NRCAM: variants seen among roughly 807,000 people sequenced by gnomAD.
NRCAM encodes NgCAM-related cell adhesion molecule.
A neutral mutation model predicts 156.5 loss-of-function variants in NRCAM; 83 were observed. That is an observed-to-expected ratio of 0.53 (90% CI 0.44 to 0.64). The LOEUF (loss-of-function observed/expected upper bound fraction) is 0.64, where lower values mean the gene tolerates loss of function less well. Ranked by LOEUF, NRCAM falls within the 30% of genes least tolerant of loss-of-function variation. NRCAM has a pLI of 0.00. For synonymous variants in NRCAM, 538 were observed against 563.9 expected (o/e 0.95, Z 0.65); for missense variants, 1,417 against 1,597.3 (o/e 0.89, Z 1.92).
In NRCAM at chr7:108,166,978, C is replaced by T; in HGVS notation, c.3409G>A (p.Gly1137Ser). The change falls in exon 30 of 33, where the codon GGT becomes AGT. Residue 1137 changes from glycine to serine, a missense_variant. Physicochemically the swap from Gly to Ser is moderately conservative, Grantham distance 56. Around this residue, in one of 2 missense-constraint regions of NRCAM, gnomAD observed 179 missense variants for 260.9 expected, o/e 0.69. Transcript: ENST00000379028. ...ACAAAACCAGAGTCCCCCACAGCAC[C>T]AACTCGAACTTTGTATGCTGTTCCT... ...MPGTAYKVRV[G>S]AVGDSGFVSS... The T allele has an allele frequency of 1.2e-6, 2 of 1,613,926 alleles. No homozygotes were observed. The highest frequency in any genetic ancestry group is 1.6e-4 in the Middle Eastern group (1 of 6,062).
chr7:108,347,043 T>TTC (rs1554538580), intron 2 of NRCAM, among the ~76,000 whole-genome samples: 3 of 137,830 alleles, frequency 2.2e-5, no homozygotes, highest in Non-Finnish European at 4.7e-5. Context: ...TTTTTTTTTT[T>TTC]TTTTTTTTTT....
chr7:108,344,915 T>C (rs1317232796), intron 2 of NRCAM, among the ~76,000 whole-genome samples: 1 of 152,176 alleles, frequency 6.6e-6, no homozygotes, highest in Non-Finnish European at 1.5e-5. Context: ...TTGCTGCCTT[T>C]CATTATATGA....
At chr7:108,196,451 AC>A (rs1158120121) in intron 14 of NRCAM, among the ~76,000 whole-genome samples, 1 of 152,218 alleles carries the variant, frequency 6.6e-6, no homozygotes, top group African/African-American at 2.4e-5. Flanking sequence ...AGGGGTTAAT[AC>A]CAAAATATAT....
chr7:108,415,187 T>C (rs10245718), intron 1 of NRCAM, among the ~76,000 whole-genome samples: 45,947 of 152,164 alleles, frequency 0.3, 7,480 homozygotes, highest in African/African-American at 0.4. Flanking sequence ...GCCTTCTGGT[T>C]TCCCTTTCAT....
intron 30 of NRCAM, among the ~76,000 whole-genome samples, chr7:108,162,210 C>T (rs943785973): frequency 7.9e-5 from 12 of 152,198 alleles, no homozygotes; most frequent in Non-Finnish European, 1.3e-4. Context: ...TATTATACTG[C>T]TGTAATGCAT....
chr7:108,405,178 A>G (rs570861739), intron 1 of NRCAM, among the ~76,000 whole-genome samples: 3 of 152,368 alleles, frequency 2.0e-5, no homozygotes, highest in Admixed American at 6.5e-5. Flanking sequence ...GTTGGCATTC[A>G]TGACCTTACA....
At chr7:108,152,619 C>T (rs1197736169) in intron 32 of NRCAM, among the ~76,000 whole-genome samples, 1 of 152,044 alleles carries the variant, frequency 6.6e-6, no homozygotes, top group African/African-American at 2.4e-5. Flanking sequence ...AATAGCCTAC[C>T]TTAGAGGGCT....
intron 3 of NRCAM, among the ~76,000 whole-genome samples, chr7:108,306,134 G>C (rs2098711600): frequency 6.6e-6 from 1 of 152,118 alleles, no homozygotes; most frequent in Non-Finnish European, 1.5e-5. Context: ...CCTTTGAATA[G>C]TCTTGTCACT....
rs968196968 is a variant in NRCAM at position 108,182,758 on chromosome 7, C to A, written c.2467G>T (p.Ala823Ser). Residue 823 changes from alanine (A) to serine (S), a missense_variant, in exon 23 of 33, where the codon GCC becomes TCC. Ala to Ser is a moderately conservative substitution (Grantham distance 99, BLOSUM62 1). Coordinates refer to ENST00000379028, the MANE Select transcript of NRCAM (RefSeq NM_001037132.4). The part of the protein sequence containing the change: ...TFVPYLIKVQ[A>S]LNDMGFAPEP... Reference sequence around the variant, plus strand: ...GGGGCAAACCCCATGTCATTCAGGGCCTGAACTTTGATCAGGTATGGAACA... The same window carrying A: ...GGGGCAAACCCCATGTCATTCAGGGACTGAACTTTGATCAGGTATGGAACA... The A allele has an allele frequency of 1.2e-6, 2 of 1,614,088 alleles. No individual in the cohort carries two copies. Among genetic ancestry groups the A allele is most frequent in the African/African-American group, 2.7e-5 (2 of 74,934 alleles).
At chr7:108,338,436 C>T (rs1005550934) in intron 2 of NRCAM, among the ~76,000 whole-genome samples, 2 of 151,582 alleles carry the variant, frequency 1.3e-5, no homozygotes, top group African/African-American at 4.9e-5. Flanking sequence ...GGAGTCTTGT[C>T]CCTGATGTCC....
chr7:108,441,015 TA>T (rs1837920393), intron 1 of NRCAM, among the ~76,000 whole-genome samples: 1 of 152,214 alleles, frequency 6.6e-6, no homozygotes, highest in East Asian at 1.9e-4. Flanking sequence ...GGATGCCCGT[TA>T]ATGTCAACTG....
intron 3 of NRCAM, among the ~76,000 whole-genome samples, chr7:108,271,700 A>C (rs1229238114): frequency 6.6e-6 from 1 of 152,068 alleles, no homozygotes; most frequent in Non-Finnish European, 1.5e-5. Context: ...CGTCAAAAAA[A>C]AAAAAAAGAA....
chr7:108,451,711 T>C (rs1850598005), intron 1 of NRCAM, among the ~76,000 whole-genome samples: 1 of 152,156 alleles, frequency 6.6e-6, no homozygotes, highest in Admixed American at 6.5e-5. Flanking sequence ...AAATAAATAC[T>C]GTATGATTCC....
chr7:108,314,394 A>T (rs935979546), intron 2 of NRCAM, among the ~76,000 whole-genome samples: 3 of 152,230 alleles, frequency 2.0e-5, no homozygotes, highest in African/African-American at 7.2e-5. Context: ...TTTTCCAATA[A>T]CCAAGTAACA....
intron 28 of NRCAM, among the ~76,000 whole-genome samples, chr7:108,169,399 A>G (rs2057072208): frequency 6.6e-6 from 1 of 152,224 alleles, no homozygotes; most frequent in Admixed American, 6.5e-5. Flanking sequence ...AAAATTTACT[A>G]GGATAGTCAA....
intron 5 of NRCAM, among the ~76,000 whole-genome samples, chr7:108,237,346 C>T (rs1171064284): frequency 6.6e-6 from 1 of 152,116 alleles, no homozygotes; most frequent in Non-Finnish European, 1.5e-5. Flanking sequence ...ATACAGCTGC[C>T]ATCTTGTGTA....
chr7:108,364,208 C>T (rs1196251258), intron 2 of NRCAM, among the ~76,000 whole-genome samples: 3 of 152,244 alleles, frequency 2.0e-5, no homozygotes, highest in African/African-American at 4.8e-5. Flanking sequence ...TTTGAACAGA[C>T]GTTTCTTCAA....
intron 3 of NRCAM, among the ~76,000 whole-genome samples, chr7:108,302,029 C>G (rs919778455): frequency 2.0e-5 from 3 of 151,414 alleles, no homozygotes; most frequent in African/African-American, 4.8e-5. Flanking sequence ...AACTGATCAC[C>G]CTTTCTAAAT....
chr7:108,265,928 T>A (rs1219300575), intron 3 of NRCAM, among the ~76,000 whole-genome samples: 1 of 152,232 alleles, frequency 6.6e-6, no homozygotes, highest in East Asian at 1.9e-4. Flanking sequence ...AATTGGTGAA[T>A]GAGAAAGCCA....
Sources: allele counts gnomAD v4.1 joint callset (sites outside exome capture counted in the v4.1 genomes callset), GRCh38; gene constraint gnomAD v4.1.1; regional missense constraint gnomAD v4.1.1; transcripts MANE v1.5; gene names NCBI Gene and HGNC (gene_info 2026-07-23, HGNC 2026-07-21).